Variants in CDH12 observed in about 807,000 individuals in gnomAD.
The protein encoded by CDH12 is cadherin-12.
CDH12 carries 41 observed loss-of-function variants against 74.1 expected under a neutral mutation model. The ratio of observed to expected loss-of-function variants is 0.55; its 90% CI spans 0.43 to 0.72. The LOEUF is 0.72. Ranked by LOEUF, CDH12 falls within the 30% of genes least tolerant of loss-of-function variation. CDH12 has a pLI of 0.00. For synonymous variants in CDH12, 399 were observed against 355.0 expected, an observed-to-expected ratio of 1.12 and a Z score of -1.39; for missense variants, 945 against 977.2, an observed-to-expected ratio of 0.97 and a Z score of 0.44.
At chr5:22,637,846 G>C (rs1314695570) in intron 1 of CDH12, among the ~76,000 whole-genome samples, 1 of 152,218 alleles carries the variant, frequency 6.6e-6, no homozygotes, top group Non-Finnish European at 1.5e-5. Context: ...TCTACTTATA[G>C]TAGAGATTCT....
intron 3 of CDH12, among the ~76,000 whole-genome samples, chr5:22,397,080 A>G (rs1742490713): frequency 6.6e-6 from 1 of 151,940 alleles, no homozygotes; most frequent in Admixed American, 6.6e-5. Flanking sequence ...GAATTTGGCC[A>G]CCTCCTAAAA....
chr5:22,207,216 C>CAAAAAAAAAAAAAA (rs11430414), intron 4 of CDH12, among the ~76,000 whole-genome samples: 1 of 92,342 alleles, frequency 1.1e-5, no homozygotes, highest in African/African-American at 4.1e-5. Flanking sequence ...AAGACTGTCT[C>CAAAAAAAAAAAAAA]AAAAAAAAAA....
intron 1 of CDH12, among the ~76,000 whole-genome samples, chr5:22,748,929 T>A (rs1164062828): frequency 6.6e-6 from 1 of 152,186 alleles, no homozygotes. Context: ...GGAGTCACAA[T>A]ACCTGTCCTT....
intron 1 of CDH12, among the ~76,000 whole-genome samples, chr5:22,836,204 T>TTTTTTTTTTTTTTTG (rs1736809382): frequency 2.1e-5 from 1 of 48,598 alleles, no homozygotes; most frequent in Non-Finnish European, 5.3e-5. Context: ...TGCTTTTTTT[T>TTTTTTTTTTTTTTTG]CTTTTTTTCT....
At chr5:22,322,417 C>A (rs77642406) in intron 3 of CDH12, among the ~76,000 whole-genome samples, 3,233 of 150,354 alleles carry the variant, frequency 0.022, 89 homozygotes, top group East Asian at 0.14. Context: ...TTCACAAGAG[C>A]AAGAAAAAAT....
intron 1 of CDH12, among the ~76,000 whole-genome samples, chr5:22,733,340 A>G (rs899703583): frequency 3.3e-5 from 5 of 151,948 alleles, no homozygotes; most frequent in Admixed American, 6.6e-5. Context: ...TCCTAAGCAT[A>G]TTTCAAAAAC....
Position 22,078,633 on chromosome 5 carries a change from A to G in CDH12, c.44T>C (p.Phe15Ser), listed in dbSNP as rs1439152011. The G allele has an allele frequency of 6.2e-7, 1 of 1,613,856 alleles. No individual in the cohort carries two copies. Among genetic ancestry groups the G allele is most frequent in the Non-Finnish European group, 8.5e-7 (1 of 1,179,812 alleles). The stretch of plus-strand genomic sequence containing the variant: ...TAGTGGTGTTAGGAGACCTCCATCA[A>G]ACAGAACCCAGAGAAGCAGGGATAA... ...NCLSLLLWVL[F>S]DGGLLTPLQP... Residue 15 changes from phenylalanine to serine, a missense_variant, in exon 5 of 15, where the codon TTT (phenylalanine) becomes TCT (serine). Around this residue, in one of 3 missense-constraint regions of CDH12, gnomAD observed 148 missense variants for 162.8 expected, o/e 0.91. Coordinates refer to ENST00000382254, the MANE Select transcript of CDH12 (RefSeq NM_004061.5).
At chr5:22,075,997 T>C (rs1050243351) in intron 5 of CDH12, among the ~76,000 whole-genome samples, 8 of 152,130 alleles carry the variant, frequency 5.3e-5, no homozygotes, top group Non-Finnish European at 1.2e-4. Context: ...ATCATATTTC[T>C]ATTCTCAAAT....
At chr5:22,019,059 CAA>C (rs67162958) in intron 5 of CDH12, among the ~76,000 whole-genome samples, 2,395 of 147,410 alleles carry the variant, frequency 0.016, 61 homozygotes, top group African/African-American at 0.054. Context: ...GACTGTGTCT[CAA>C]AAAAAAAAAA....
At chr5:22,478,668 G>T (rs1746269295) in intron 2 of CDH12, among the ~76,000 whole-genome samples, 1 of 151,686 alleles carries the variant, frequency 6.6e-6, no homozygotes, top group Non-Finnish European at 1.5e-5. Context: ...GACTTATGCT[G>T]CTTACTAGAT....
chr5:22,809,099 CTG>C (rs892774304), intron 1 of CDH12, among the ~76,000 whole-genome samples: 7 of 150,624 alleles, frequency 4.6e-5, no homozygotes, highest in East Asian at 1.9e-4. Context: ...AAAAAAAAAA[CTG>C]TGTAATAAAA....
chr5:22,375,481 AGC>A (rs1273676363), intron 3 of CDH12, among the ~76,000 whole-genome samples: 6 of 152,176 alleles, frequency 3.9e-5, no homozygotes, highest in Non-Finnish European at 5.9e-5. Context: ...GCTTCTACAC[AGC>A]AGAGAGAAAC....
At chr5:22,109,941 A>G (rs1469714939) in intron 4 of CDH12, among the ~76,000 whole-genome samples, 4 of 152,190 alleles carry the variant, frequency 2.6e-5, no homozygotes, top group African/African-American at 7.2e-5. Context: ...AGTCACTTAC[A>G]TAGTGAACTG....
At chr5:22,532,684 A>G (rs1737647929) in intron 1 of CDH12, among the ~76,000 whole-genome samples, 1 of 151,866 alleles carries the variant, frequency 6.6e-6, no homozygotes. Flanking sequence ...TTTGGTTAAC[A>G]AAGTCTCAGA....
chr5:22,376,686 T>G (rs1187508571), intron 3 of CDH12, among the ~76,000 whole-genome samples: 2 of 137,266 alleles, frequency 1.5e-5, no homozygotes, highest in Non-Finnish European at 3.3e-5. Flanking sequence ...TTGACTAATT[T>G]TTTTTTTTTT....
chr5:22,153,915 C>CAT (rs1487764095), intron 4 of CDH12, among the ~76,000 whole-genome samples: 150 of 57,184 alleles, frequency 2.6e-3, no homozygotes, highest in African/African-American at 6.5e-3. Flanking sequence ...CACACACATA[C>CAT]ACACACACAC....
At chr5:22,633,427 G>A (rs1415858083) in intron 1 of CDH12, among the ~76,000 whole-genome samples, 2 of 152,100 alleles carry the variant, frequency 1.3e-5, no homozygotes, top group Admixed American at 6.6e-5. Flanking sequence ...TAATGTGATG[G>A]TTAGTTTTAT....
chr5:22,698,997 A>C (rs1270395557), intron 1 of CDH12, among the ~76,000 whole-genome samples: 1 of 151,888 alleles, frequency 6.6e-6, no homozygotes, highest in Non-Finnish European at 1.5e-5. Context: ...AACAGAATGC[A>C]TAAGAATTTA....
intron 2 of CDH12, among the ~76,000 whole-genome samples, chr5:22,477,073 C>A (rs546070597): frequency 6.6e-6 from 1 of 152,272 alleles, no homozygotes; most frequent in East Asian, 1.9e-4. Context: ...ACACAAAAAA[C>A]ACCCTACTGT....
Sources: gnomAD v4.1 joint callset for allele counts (sites outside exome capture counted in the v4.1 genomes callset) on GRCh38, gnomAD v4.1.1 for gene constraint, gnomAD v4.1.1 regional missense constraint, MANE v1.5 for transcripts, NCBI Gene and HGNC (gene_info 2026-07-23, HGNC 2026-07-21) for gene names.